The following EPM2A variants were observed in gnomAD, a reference collection of about 807,000 sequenced individuals.
The protein encoded by EPM2A is laforin.
EPM2A carries 21 observed loss-of-function variants against 26.5 expected under a neutral mutation model. The observed-to-expected ratio is 0.79, with a 90% CI of 0.56 to 1.14. EPM2A has a LOEUF of 1.14. EPM2A is among the 50% of genes most tolerant of loss of function. The probability of loss-of-function intolerance (pLI) is 0.00; values close to 1 mark genes in which losing one functional copy is unlikely to be tolerated. For missense variants in EPM2A, 458 were observed against 440.8 expected, an observed-to-expected ratio of 1.04 and a Z score of -0.35; for synonymous variants, 217 against 177.6, an observed-to-expected ratio of 1.22 and a Z score of -1.76.
intron 2 of EPM2A, among the ~76,000 whole-genome samples, chr6:145,570,525 T>A (rs1442905086): frequency 6.6e-6 from 1 of 152,202 alleles, no homozygotes. Flanking sequence ...CACAAACATG[T>A]TTTTAACAAA....
At chr6:145,443,167 G>A (rs1455895026) in intron 4 of EPM2A, among the ~76,000 whole-genome samples, 1 of 152,064 alleles carries the variant, frequency 6.6e-6, no homozygotes, top group South Asian at 2.1e-4. Flanking sequence ...CACCACACCC[G>A]GCCCCAGCTT....
At chr6:145,508,902 C>T (rs1263517034) in intron 2 of EPM2A, among the ~76,000 whole-genome samples, 1 of 151,964 alleles carries the variant, frequency 6.6e-6, no homozygotes, top group African/African-American at 2.4e-5. Flanking sequence ...AATAACCAAA[C>T]AGAACTTCTG....
Position 145,564,384 on chromosome 6 carries a change from G to T in EPM2A, c.341-61809C>A, listed in dbSNP as rs545464741. On this transcript the variant is annotated intron_variant, in intron 2 of 3. Transcript: ENST00000450221. ...AGTTTATTTGAGCAAAAGGATTTAT[G>T]AATTAGGCAGCATTCAAAATCAGGA... 1.1e-3 allele frequency among the ~76,000 whole-genome samples: 170 copies of T among 152,304 alleles called. 2 individuals are homozygous for T. Among genetic ancestry groups the T allele is most frequent in the Admixed American group, 3.4e-3 (52 of 15,292 alleles).
At chr6:145,588,838 A>G (rs1482277902) in intron 2 of EPM2A, among the ~76,000 whole-genome samples, 1 of 152,214 alleles carries the variant, frequency 6.6e-6, no homozygotes, top group Non-Finnish European at 1.5e-5. Flanking sequence ...CAAACAAATC[A>G]AGCCCATAGG....
At chr6:145,383,769 A>C (rs1413072334) in exon 5 of EPM2A, 12 of 152,214 alleles carry the variant, frequency 7.9e-5, no homozygotes, top group Admixed American at 7.9e-4. Context: ...ATAAGACACA[A>C]GATTTCAACT....
intron 1 of EPM2A, among the ~76,000 whole-genome samples, chr6:145,732,236 T>C (rs12527134): frequency 3.7e-3 from 494 of 132,188 alleles, no homozygotes; most frequent in African/African-American, 4.0e-3. Flanking sequence ...TGTGTGTGTG[T>C]GCGCGCCAAA....
chr6:145,685,150 G>A (rs1005456837), intron 2 of EPM2A, among the ~76,000 whole-genome samples: 7 of 151,962 alleles, frequency 4.6e-5, no homozygotes, highest in East Asian at 1.9e-4. Context: ...TTAAATAATC[G>A]AAGTGTGAAA....
Position 145,717,285 on chromosome 6 carries a change from C to G in EPM2A, c.301+17913G>C, listed in dbSNP as rs948890044. On this transcript the variant is annotated intron_variant, in intron 1 of 3. Coordinates refer to ENST00000367519, the MANE Select transcript of EPM2A (RefSeq NM_005670.4). Reference sequence around the variant, plus strand: ...TTATCCACCATGATCAAGTGGCCTTCATCCCTGGGATGCAAGTCTGGTTCA... The same window carrying G: ...TTATCCACCATGATCAAGTGGCCTTGATCCCTGGGATGCAAGTCTGGTTCA... 3.3e-5 allele frequency among the ~76,000 whole-genome samples: 5 copies of G among 152,342 alleles called. 1 individual carries two copies. The South Asian group carries it at 1.0e-3, about 32-fold the overall frequency.
intron 4 of EPM2A, among the ~76,000 whole-genome samples, chr6:145,473,950 G>A (rs557054447): frequency 4.6e-5 from 7 of 152,174 alleles, no homozygotes; most frequent in Admixed American, 3.9e-4. Context: ...GGACATTAAT[G>A]GGCAATAAAT....
intron 4 of EPM2A, among the ~76,000 whole-genome samples, chr6:145,457,226 G>A (rs1779272702): frequency 1.3e-5 from 2 of 151,976 alleles, no homozygotes; most frequent in Admixed American, 6.6e-5. Flanking sequence ...TGGGTGTGGC[G>A]GCTCACACCT....
At chr6:145,394,526 T>C (rs1778379604) in intron 4 of EPM2A, among the ~76,000 whole-genome samples, 1 of 152,118 alleles carries the variant, frequency 6.6e-6, no homozygotes, top group South Asian at 2.1e-4. Flanking sequence ...ACCTTAATGA[T>C]TTCCTCTCCA....
intron 4 of EPM2A, chr6:145,463,184 CTTTTG>C (rs1225522783): frequency 6.7e-6 from 1 of 149,144 alleles, no homozygotes; most frequent in African/African-American, 2.5e-5. Flanking sequence ...CTTTTATTTG[CTTTTG>C]TTTTATCTTC....
intron 1 of EPM2A, among the ~76,000 whole-genome samples, chr6:145,727,489 G>A (rs1776269514): frequency 6.6e-6 from 1 of 151,534 alleles, no homozygotes; most frequent in African/African-American, 2.4e-5. Context: ...AAGCACCTAA[G>A]AAGTAATTAG....
intron 2 of EPM2A, among the ~76,000 whole-genome samples, chr6:145,610,359 C>T (rs1273506662): frequency 1.3e-5 from 2 of 152,186 alleles, no homozygotes; most frequent in Non-Finnish European, 2.9e-5. Flanking sequence ...AAGTCAAAAG[C>T]TACCGCTCTA....
At chr6:145,680,586 C>A (rs891774741) in intron 2 of EPM2A, among the ~76,000 whole-genome samples, 6 of 151,896 alleles carry the variant, frequency 4.0e-5, no homozygotes, top group African/African-American at 1.5e-4. Flanking sequence ...GTTCCCCTTC[C>A]TGTGTCCATG....
At chr6:145,471,573 C>G (rs962365918) in intron 4 of EPM2A, among the ~76,000 whole-genome samples, 1 of 152,168 alleles carries the variant, frequency 6.6e-6, no homozygotes, top group Non-Finnish European at 1.5e-5. Context: ...ACTCCCCACT[C>G]CAGGCAGCTG....
At chr6:145,412,529 C>T (rs1053000674) in intron 4 of EPM2A, among the ~76,000 whole-genome samples, 3 of 152,102 alleles carry the variant, frequency 2.0e-5, no homozygotes, top group Admixed American at 1.3e-4. Flanking sequence ...AATTAATTTT[C>T]CCTTTTACTG....
intron 2 of EPM2A, among the ~76,000 whole-genome samples, chr6:145,602,566 C>T (rs538090647): frequency 1.6e-4 from 25 of 152,282 alleles, no homozygotes; most frequent in Middle Eastern, 6.8e-3. Flanking sequence ...CCAGATGAGT[C>T]AGTACTCAGT....
At chr6:145,649,657 C>A (rs857881) in intron 2 of EPM2A, among the ~76,000 whole-genome samples, 97,377 of 151,984 alleles carry the variant, frequency 0.64, 31,811 homozygotes, top group African/African-American at 0.74. Context: ...TCTGTGTCTT[C>A]GAGAGACCAG....
Sources: gnomAD v4.1 joint callset for allele counts (sites outside exome capture counted in the v4.1 genomes callset) on GRCh38, gnomAD v4.1.1 for gene constraint, MANE v1.5 for transcripts, NCBI Gene and HGNC (gene_info 2026-07-23, HGNC 2026-07-21) for gene names.